SHPRH: variants seen among roughly 807,000 people sequenced by gnomAD.
The protein encoded by SHPRH is E3 ubiquitin-protein ligase SHPRH.
Under a neutral mutation model 202.5 loss-of-function variants are expected in SHPRH, and 106 were observed. The observed-to-expected ratio is 0.52, with a 90% CI of 0.45 to 0.62. SHPRH has a LOEUF of 0.62. Among genes scored for constraint, SHPRH ranks in the 20% least tolerant of loss-of-function variants. The pLI, the probability that SHPRH is intolerant of heterozygous loss-of-function variation, is 0.00. For synonymous variants in SHPRH, 729 were observed against 686.0 expected, an observed-to-expected ratio of 1.06 and a Z score of -0.98; for missense variants, 1,710 against 2,020.0, an observed-to-expected ratio of 0.85 and a Z score of 2.94.
rs1488686964 is a variant in SHPRH at position 145,922,820 on chromosome 6, C to T, written c.3562G>A (p.Gly1188Ser). ...SMSEKFRDCR[G>S]LQFLLTTQME... ...TGTGTTGTAAGTAAGAACTGAAGAC[C>T]TCTGCAATCACGGAACCTGATTCCC... The change falls in exon 19 of 30, where the codon GGT (glycine) becomes AGT (serine). Residue 1188 changes from glycine to serine, a missense_variant. By Grantham distance (56) the Gly-to-Ser change is moderately conservative. Coordinates refer to ENST00000275233, the MANE Select transcript of SHPRH (RefSeq NM_001042683.3). 6.2e-7 allele frequency: 1 copy of T among 1,609,606 alleles called. No homozygotes were observed.
chr6:145,897,893 G>T (rs1472528337), intron 25 of SHPRH, among the ~76,000 whole-genome samples: 1 of 151,998 alleles, frequency 6.6e-6, no homozygotes, highest in East Asian at 1.9e-4. Context: ...TAAATGACAA[G>T]CCTACCAGAT....
rs1372030963 is a variant in SHPRH, at chr6:145,941,862, C to T, written c.2251G>A (p.Val751Met). Reference sequence around the variant, plus strand: ...GGTTGTAAAAAGCCATCTTTCTTCACTCCTTGATATACCTAGGAAATAATC... The same window carrying T: ...GGTTGTAAAAAGCCATCTTTCTTCATTCCTTGATATACCTAGGAAATAATC... ...SSLRVLVYQGVKKDGFLQPHF... is the reference protein window; with the variant it reads ...SSLRVLVYQGMKKDGFLQPHF... The change falls in exon 10 of 30, where the codon GTG becomes ATG. Residue 751 changes from valine to methionine, a missense_variant. By Grantham distance (21) the Val-to-Met change is conservative. Transcript: ENST00000275233. The T allele has an allele frequency of 6.2e-7, 1 of 1,613,706 alleles. No homozygotes were observed. The highest frequency in any genetic ancestry group is 8.5e-7 in the Non-Finnish European group (1 of 1,179,832).
At chr6:145,920,972 T>C (rs1354451413) in intron 21 of SHPRH, among the ~76,000 whole-genome samples, 195 bp downstream of exon 21, 1 of 152,042 alleles carries the variant, frequency 6.6e-6, no homozygotes, top group Non-Finnish European at 1.5e-5. Context: ...AGTAATTTAA[T>C]AAATAGAATG....
At chr6:145,876,252 A>G (rs931330981) in intron 2 of SHPRH, among the ~76,000 whole-genome samples, 3 of 142,870 alleles carry the variant, frequency 2.1e-5, no homozygotes, top group Non-Finnish European at 4.8e-5. Context: ...GTACACCTGT[A>G]GTCCCAGCTA....
intron 17 of SHPRH, among the ~76,000 whole-genome samples, chr6:145,924,085 A>G (rs536869390): frequency 1.3e-5 from 2 of 152,106 alleles, no homozygotes; most frequent in South Asian, 2.1e-4. Flanking sequence ...TGAAAATTCA[A>G]TACTCAATCT....
chr6:145,943,158 T>C lies in SHPRH; in HGVS notation c.2223A>G (p.Ser741=). ...GTGGCCTTACCAAGACTCGAAGAGA[T>C]GACGACCTCACATGCCTGTTGATCT... is the stretch of plus-strand genomic sequence containing the variant. ...VDEINRHVRS[S]SLRVLVYQGV... is the part of the protein sequence containing the mutation. Residue 741 remains serine (S), a synonymous_variant, in exon 9 of 30, where the codon TCA becomes TCG. Transcript: ENST00000275233. The C allele has an allele frequency of 1.3e-6, 2 of 1,597,638 alleles. No homozygotes were observed. The highest frequency in any genetic ancestry group is 1.7e-6 in the Non-Finnish European group (2 of 1,170,374).
At chr6:145,876,005 G>A (rs1024815944) in intron 2 of SHPRH, among the ~76,000 whole-genome samples, 1 of 151,998 alleles carries the variant, frequency 6.6e-6, no homozygotes, top group Non-Finnish European at 1.5e-5. Context: ...AAATATCTTC[G>A]AGATACAATT....
downstream of SHPRH, among the ~76,000 whole-genome samples, chr6:145,860,766 A>C (rs114974167): frequency 5.4e-4 from 83 of 152,294 alleles, no homozygotes; most frequent in African/African-American, 1.9e-3. Flanking sequence ...AGCTACAGTA[A>C]TCAAAACAGT....
intron 2 of SHPRH, among the ~76,000 whole-genome samples, chr6:145,879,474 TA>T (rs904119509): frequency 2.6e-5 from 4 of 152,168 alleles, no homozygotes; most frequent in African/African-American, 4.8e-5. Context: ...TATCTGCACT[TA>T]AAAAAATTCT....
At chr6:145,898,838 G>T (rs1207797969) in intron 25 of SHPRH, among the ~76,000 whole-genome samples, 1 of 152,062 alleles carries the variant, frequency 6.6e-6, no homozygotes, top group Non-Finnish European at 1.5e-5. Flanking sequence ...TTGAGACAGG[G>T]TCTTGTGCTG....
Position 145,934,897 on chromosome 6 carries a change from A to G in SHPRH, c.2990+10T>C. 3 of 1,581,550 alleles carry G rather than the reference A, an allele frequency of 1.9e-6. No homozygotes were observed. The highest frequency in any genetic ancestry group is 2.6e-6 in the Non-Finnish European group (3 of 1,160,248). On this transcript the variant is annotated intron_variant, in intron 13 of 29. Transcript: ENST00000275233. ...ACCAACTGCAATTAAAAAAAAGTTG[A>G]TAATAAAACCTTTTTTGGAGTGGCA...
intron 25 of SHPRH, among the ~76,000 whole-genome samples, chr6:145,900,433 A>G (rs1782392894): frequency 1.3e-5 from 2 of 152,080 alleles, no homozygotes; most frequent in African/African-American, 4.8e-5. Flanking sequence ...TCTCACTTAT[A>G]TGGGATATCT....
intron 25 of SHPRH, among the ~76,000 whole-genome samples, chr6:145,897,951 A>G (rs1782158104): frequency 6.6e-6 from 1 of 152,200 alleles, no homozygotes; most frequent in South Asian, 2.1e-4. Context: ...CTTTAAGATC[A>G]GCAAAACACA....
At chr6:145,963,335 T>A (rs1789298718) in intron 1 of SHPRH, among the ~76,000 whole-genome samples, 1 of 152,198 alleles carries the variant, frequency 6.6e-6, no homozygotes, top group Non-Finnish European at 1.5e-5. Context: ...TCTTATTTTG[T>A]TCAGAAAAAG....
rs1317053499 is a variant in SHPRH, at chr6:145,964,340, C to G, written c.-642G>C. On this transcript the variant is annotated 5_prime_UTR_variant, in exon 1 of 30. Coordinates refer to ENST00000275233, the MANE Select transcript of SHPRH (RefSeq NM_001042683.3). ...CCCAGAAACCACAGCGCCTAGCTGC[C>G]GGGCGCGCGCTGTAGCGTGGGGTCA... 6.6e-6 allele frequency: 1 copy of G among 152,258 alleles called. No individual in the cohort carries two copies. The highest frequency in any genetic ancestry group is 2.4e-5 in the African/African-American group (1 of 41,460). The allele number at this position is 152,258 out of a possible 1,614,324, so 9.4% of individuals were successfully genotyped here. A position where few individuals can be genotyped will look rare whatever the true frequency, so the allele number is the denominator to read the frequency against.
At chr6:145,887,668 T>C (rs1020079599) in intron 29 of SHPRH, among the ~76,000 whole-genome samples, 11 of 151,660 alleles carry the variant, frequency 7.3e-5, no homozygotes, top group Admixed American at 6.6e-4. Flanking sequence ...CCCGACTAGC[T>C]AAGACTATGG....
intron 11 of SHPRH, among the ~76,000 whole-genome samples, chr6:145,937,871 G>A (rs549812186): frequency 5.7e-4 from 87 of 152,058 alleles, no homozygotes; most frequent in African/African-American, 2.0e-3. Context: ...CATCCCAATT[G>A]TATGATGTTA....
intron 24 of SHPRH, among the ~76,000 whole-genome samples, chr6:145,913,103 A>C (rs1783643694): frequency 6.6e-6 from 1 of 152,284 alleles, no homozygotes; most frequent in African/African-American, 2.4e-5. Context: ...TTCTATACTA[A>C]TGTAATACCT....
intron 25 of SHPRH, chr6:145,908,796 T>C (rs1373066331): frequency 6.6e-6 from 1 of 152,228 alleles, no homozygotes; most frequent in East Asian, 1.9e-4. Flanking sequence ...GCAATTGCTT[T>C]TGGCATTTTT....
Sources: allele counts gnomAD v4.1 joint callset (sites outside exome capture counted in the v4.1 genomes callset), GRCh38; gene constraint gnomAD v4.1.1; transcripts MANE v1.5; gene names NCBI Gene and HGNC (gene_info 2026-07-23, HGNC 2026-07-21).